The following PDE4D variants were observed in gnomAD, a reference collection of about 807,000 sequenced individuals.
The protein encoded by PDE4D is 3',5'-cyclic-AMP phosphodiesterase 4D.
Under a neutral mutation model 87.4 loss-of-function variants are expected in PDE4D, and 24 were observed. The ratio of observed to expected loss-of-function variants is 0.27; its 90% CI spans 0.20 to 0.39. The LOEUF is 0.39. Ranked by LOEUF, PDE4D falls within the 10% of genes least tolerant of loss-of-function variation. PDE4D has a pLI of 1.00. For missense variants in PDE4D, 714 were observed against 1,041.0 expected, an observed-to-expected ratio of 0.69 and a Z score of 4.32; for synonymous variants, 384 against 383.2, an observed-to-expected ratio of 1.00 and a Z score of -0.02.
At chr5:59,288,719 A>C (rs1581781047) in intron 1 of PDE4D, among the ~76,000 whole-genome samples, 3 of 152,170 alleles carry the variant, frequency 2.0e-5, no homozygotes, top group African/African-American at 7.2e-5. Context: ...AAAATAAAGA[A>C]AAAACATACA....
At chr5:59,222,639 T>C (rs1752802340) in intron 1 of PDE4D, among the ~76,000 whole-genome samples, 1 of 152,212 alleles carries the variant, frequency 6.6e-6, no homozygotes, top group Non-Finnish European at 1.5e-5. Flanking sequence ...GCTGCCTTTT[T>C]CACTACATAG....
intron 1 of PDE4D, among the ~76,000 whole-genome samples, chr5:59,554,913 GA>G (rs1174285564): frequency 6.6e-6 from 1 of 152,158 alleles, no homozygotes; most frequent in Non-Finnish European, 1.5e-5. Flanking sequence ...GGGGGTGTAA[GA>G]AGACTAAATA....
intron 2 of PDE4D, among the ~76,000 whole-genome samples, chr5:60,166,196 G>A (rs796289119): frequency 1.8e-4 from 28 of 152,188 alleles, no homozygotes; most frequent in African/African-American, 5.1e-4. Flanking sequence ...CTGGGTTCAC[G>A]CCATTCTCCT....
chr5:60,479,162 A>T (rs527868886), intron 1 of PDE4D, among the ~76,000 whole-genome samples: 4 of 152,156 alleles, frequency 2.6e-5, no homozygotes, highest in Admixed American at 6.5e-5. Flanking sequence ...GGAGGGGGGA[A>T]GTTTTCATGT....
chr5:59,991,886 A>T (rs1385790112), intron 2 of PDE4D, among the ~76,000 whole-genome samples: 1 of 152,318 alleles, frequency 6.6e-6, no homozygotes, highest in South Asian at 2.1e-4. Flanking sequence ...ATTGAAGGAT[A>T]CAAAGTATTG....
chr5:59,387,972 T>C (rs1352137381), intron 1 of PDE4D, among the ~76,000 whole-genome samples: 1 of 152,070 alleles, frequency 6.6e-6, no homozygotes, highest in African/African-American at 2.4e-5. Context: ...CAGCCCTGGT[T>C]AACAACCATT....
intron 2 of PDE4D, among the ~76,000 whole-genome samples, chr5:60,066,785 G>A (rs1000438437): frequency 1.3e-4 from 19 of 151,986 alleles, no homozygotes; most frequent in Admixed American, 5.9e-4. Flanking sequence ...CATATATGCC[G>A]ATGTGCATTG....
chr5:60,120,374 A>C lies in PDE4D; in HGVS notation c.42+65183T>G, dbSNP rs569408089. On this transcript the variant is annotated intron_variant, in intron 2 of 16. Coordinates refer to the PDE4D transcript ENST00000502484. ...TGCTTACCATGTGCTCAAAGTGAGG[A>C]GGTCCACTTGGCAGAAGGGCAGGAA... 9.8e-5 allele frequency among the ~76,000 whole-genome samples: 15 copies of C among 152,298 alleles called. 1 individual carries two copies. In the South Asian group the frequency reaches 3.1e-3, roughly 32 times the overall value.
chr5:59,108,955 A>G (rs13190508), intron 5 of PDE4D, among the ~76,000 whole-genome samples: 12,888 of 122,186 alleles, frequency 0.11, 1,296 homozygotes, highest in South Asian at 0.15. Flanking sequence ...TAGGAACTCA[A>G]TGTGTGTGTG....
chr5:59,394,321 T>C (rs978130114), intron 1 of PDE4D, among the ~76,000 whole-genome samples: 3 of 152,228 alleles, frequency 2.0e-5, no homozygotes, highest in African/African-American at 7.2e-5. Context: ...GGCAAATCTC[T>C]ATACATAATA....
intron 1 of PDE4D, among the ~76,000 whole-genome samples, chr5:59,406,196 A>G (rs1487848189): frequency 1.3e-5 from 2 of 152,088 alleles, no homozygotes; most frequent in Non-Finnish European, 2.9e-5. Flanking sequence ...TTATGGCTTC[A>G]ATCTTGATGG....
intron 2 of PDE4D, among the ~76,000 whole-genome samples, chr5:60,094,471 C>T (rs537360610): frequency 1.3e-5 from 2 of 152,058 alleles, no homozygotes; most frequent in South Asian, 4.2e-4. Flanking sequence ...ATATTGAAAT[C>T]CTCACCCACC....
chr5:60,493,495 G>T (rs1405380416), intron 1 of PDE4D, among the ~76,000 whole-genome samples: 2 of 152,108 alleles, frequency 1.3e-5, no homozygotes, highest in East Asian at 3.8e-4. Flanking sequence ...ACTTAGACGT[G>T]CTCACTAAGA....
intron 2 of PDE4D, among the ~76,000 whole-genome samples, chr5:60,146,676 C>A (rs1582862719): frequency 6.6e-6 from 1 of 152,252 alleles, no homozygotes; most frequent in East Asian, 1.9e-4. Flanking sequence ...AAATAACCAA[C>A]AGTATGAAGA....
At chr5:59,958,133 A>G (rs775518813) in intron 3 of PDE4D, among the ~76,000 whole-genome samples, 1 of 152,182 alleles carries the variant, frequency 6.6e-6, no homozygotes, top group Non-Finnish European at 1.5e-5. Flanking sequence ...TCAAATCATT[A>G]TAAGTTTTTA....
At chr5:60,000,039 G>C (rs1285029258) in intron 2 of PDE4D, among the ~76,000 whole-genome samples, 2 of 151,814 alleles carry the variant, frequency 1.3e-5, no homozygotes, top group Non-Finnish European at 2.9e-5. Context: ...GAGATACAAA[G>C]AGGAAAAAAA....
At chr5:59,243,622 G>A (rs971073741) in intron 1 of PDE4D, among the ~76,000 whole-genome samples, 1 of 151,544 alleles carries the variant, frequency 6.6e-6, no homozygotes, top group African/African-American at 2.4e-5. Flanking sequence ...GCCATGCCCA[G>A]CTGATTTTTG....
intron 5 of PDE4D, among the ~76,000 whole-genome samples, chr5:59,162,168 G>C (rs1003715501): frequency 1.3e-5 from 2 of 152,134 alleles, no homozygotes; most frequent in Non-Finnish European, 2.9e-5. Flanking sequence ...ACATCCAATT[G>C]ATCTATATAT....
intron 5 of PDE4D, chr5:59,125,430 T>G (rs1345013768): frequency 8.5e-6 from 2 of 235,510 alleles, no homozygotes; most frequent in Non-Finnish European, 1.4e-5. Flanking sequence ...TTCCCATCCC[T>G]CATCGGGCTT....
Sources: allele counts gnomAD v4.1 joint callset (sites outside exome capture counted in the v4.1 genomes callset), GRCh38; gene constraint gnomAD v4.1.1; transcripts MANE v1.5; gene names NCBI Gene and HGNC (gene_info 2026-07-23, HGNC 2026-07-21).